The following PGAP1 variants were observed in gnomAD, a reference collection of about 807,000 sequenced individuals.
PGAP1 encodes GPI inositol-deacylase.
Under a neutral mutation model 127.0 loss-of-function variants are expected in PGAP1, and 76 were observed. The ratio of observed to expected loss-of-function variants is 0.60; its 90% CI spans 0.50 to 0.72. The LOEUF is 0.72. Ranked by LOEUF, PGAP1 falls within the 30% of genes least tolerant of loss-of-function variation. PGAP1 has a pLI of 0.00. For missense variants in PGAP1, 982 were observed against 1,071.3 expected, an observed-to-expected ratio of 0.92 and a Z score of 1.16; for synonymous variants, 362 against 366.5, an observed-to-expected ratio of 0.99 and a Z score of 0.14.
chr2:196,843,661 G>A (rs1041527490), intron 25 of PGAP1, among the ~76,000 whole-genome samples: 3 of 151,962 alleles, frequency 2.0e-5, no homozygotes, highest in African/African-American at 2.4e-5. Context: ...CCCAGAAGGC[G>A]GAAGTTGCAG....
At chr2:196,873,190 G>A (rs1701460587) in intron 16 of PGAP1, among the ~76,000 whole-genome samples, 164 bp from the exon 17 acceptor site, 1 of 151,610 alleles carries the variant, frequency 6.6e-6, no homozygotes, top group African/African-American at 2.4e-5. Flanking sequence ...AAATAATAAT[G>A]CTTTAATTAG....
chr2:196,923,201 G>A (rs145452017), intron 1 of PGAP1, among the ~76,000 whole-genome samples: 3 of 151,956 alleles, frequency 2.0e-5, no homozygotes, highest in Admixed American at 1.3e-4. Context: ...TATGTTTATC[G>A]ATTATTTTTT....
intron 10 of PGAP1, among the ~76,000 whole-genome samples, chr2:196,888,265 G>GT (rs149251799): frequency 0.017 from 2,522 of 152,238 alleles, 78 homozygotes; most frequent in African/African-American, 0.057. Context: ...TCTGTCTACT[G>GT]TATTTAATGG....
At chr2:196,899,144 T>A (rs16859307) in intron 5 of PGAP1, among the ~76,000 whole-genome samples, 3,019 of 152,300 alleles carry the variant, frequency 0.02, 101 homozygotes, top group African/African-American at 0.068. Context: ...TGATTTTATT[T>A]TTCATAGCAT....
rs1700349125 is a variant in PGAP1 at position 196,839,617 on chromosome 2, C to T, written c.*1617G>A. 1 of 152,114 alleles carries T rather than the reference C, an allele frequency of 6.6e-6. No homozygotes were observed. Among genetic ancestry groups the T allele is most frequent in the Non-Finnish European group, 1.5e-5 (1 of 68,012 alleles). 9.4% of individuals were successfully genotyped at this position (152,114 alleles called of 1,614,324 possible). A position where few individuals can be genotyped will look rare whatever the true frequency, so the allele number is the denominator to read the frequency against. ...TAGAAAAGACAACAATGGGATCAAACAAACTTAAAACCCTCAGAGATGAGA... is the reference window on the plus strand; with the variant it reads ...TAGAAAAGACAACAATGGGATCAAATAAACTTAAAACCCTCAGAGATGAGA... On this transcript the variant is annotated 3_prime_UTR_variant, in exon 27 of 27. Transcript: ENST00000354764.
intron 13 of PGAP1, among the ~76,000 whole-genome samples, chr2:196,879,406 T>C (rs371074562): frequency 3.9e-5 from 6 of 152,164 alleles, no homozygotes; most frequent in South Asian, 2.1e-4. Flanking sequence ...AAGAACAGGG[T>C]CTTGTCAGCC....
At chr2:196,911,922 A>T (rs1161188178) in intron 4 of PGAP1, among the ~76,000 whole-genome samples, 1 of 152,196 alleles carries the variant, frequency 6.6e-6, no homozygotes, top group Non-Finnish European at 1.5e-5. Flanking sequence ...AATGTACTTC[A>T]ATTAAGAGGC....
At chr2:196,915,661 T>C (rs547989296) in intron 3 of PGAP1, among the ~76,000 whole-genome samples, 2 of 152,166 alleles carry the variant, frequency 1.3e-5, no homozygotes, top group African/African-American at 2.4e-5. Context: ...GATCTGACAA[T>C]TTCTCATCAC....
At chr2:196,913,716 TGAATCTTGTGCAGAA>T (rs1302473993) in intron 3 of PGAP1, among the ~76,000 whole-genome samples, 1 of 152,204 alleles carries the variant, frequency 6.6e-6, no homozygotes, top group Non-Finnish European at 1.5e-5. Context: ...ATGAATAGAC[TGAATCTTGTGCAGAA>T]GAGTTAACAT....
Position 196,834,368 on chromosome 2 carries a change from G to A in PGAP1, c.*6866C>T, listed in dbSNP as rs1420910017. 6 of 152,366 alleles carry A rather than the reference G, an allele frequency of 3.9e-5. No individual in the cohort carries two copies. Among genetic ancestry groups the A allele is most frequent in the Non-Finnish European group, 5.9e-5 (4 of 67,870 alleles). 9.4% of individuals were successfully genotyped at this position (152,366 alleles called of 1,614,324 possible). A position where few individuals can be genotyped will look rare whatever the true frequency, so the allele number is the denominator to read the frequency against. Reference sequence around the variant, plus strand: ...TTTAAACTTTTATTTCACCAACCTCGAAGACAAGGATTTGGGGCCAATTTG... The same window carrying A: ...TTTAAACTTTTATTTCACCAACCTCAAAGACAAGGATTTGGGGCCAATTTG... On this transcript the variant is annotated 3_prime_UTR_variant, in exon 27 of 27. Transcript: ENST00000354764.
chr2:196,923,780 C>A (rs1445605342), intron 1 of PGAP1, among the ~76,000 whole-genome samples: 1 of 152,090 alleles, frequency 6.6e-6, no homozygotes, highest in East Asian at 1.9e-4. Context: ...CCAGCCTCAG[C>A]CTCCTGAGTA....
chr2:196,847,459 T>A (rs1218725260), intron 21 of PGAP1: 4 of 112,890 alleles, frequency 3.5e-5, no homozygotes, highest in East Asian at 2.1e-4. Context: ...TAATATGTTC[T>A]TTTTTTTTTT....
Position 196,835,641 on chromosome 2 carries a change from A to AT in PGAP1, c.*5592dup, listed in dbSNP as rs1280617590. 6.6e-6 allele frequency: 1 copy of AT among 152,434 alleles called. No individual in the cohort carries two copies. Among genetic ancestry groups the AT allele is most frequent in the Non-Finnish European group, 1.5e-5 (1 of 67,874 alleles). The allele number at this position is 152,434 out of a possible 1,614,324, so 9.4% of individuals were successfully genotyped here. ...CTAGATGAAACATACTGAAAAGATT[A>AT]TTTTTGCTTTAATCCTAATATGCTA... On this transcript the variant is annotated 3_prime_UTR_variant, in exon 27 of 27. Transcript: ENST00000354764.
chr2:196,911,606 T>TAAAAAAAAAAA (rs56107551), intron 4 of PGAP1, among the ~76,000 whole-genome samples: 3 of 77,286 alleles, frequency 3.9e-5, no homozygotes, highest in African/African-American at 5.0e-5. Context: ...TAGAGTATAA[T>TAAAAAAAAAAA]AAAAAAAAAA....
chr2:196,875,962 C>T, intron 13 of PGAP1, 141 bp from the exon 14 acceptor site: 1 of 524,366 alleles, frequency 1.9e-6, no homozygotes, highest in Non-Finnish European at 3.5e-6. Flanking sequence ...ATAATTCTGC[C>T]TATACTTAAG....
rs546632315 is a variant in PGAP1 at position 196,874,951 on chromosome 2, G to A, written c.1426+795C>T. On this transcript the variant is annotated intron_variant, in intron 14 of 26. Coordinates refer to ENST00000354764, the MANE Select transcript of PGAP1 (RefSeq NM_024989.4). ...GGATCGCTTAAGCCCAGGAGGCAGA[G>A]GTTGCAGTGAGCTGGGATCATGCCA... 8.5e-5 allele frequency among the ~76,000 whole-genome samples: 13 copies of A among 152,288 alleles called. No individual in the cohort carries two copies. The East Asian group carries it at 2.1e-3, about 25-fold the overall frequency.
At chr2:196,847,873 T>C in intron 21 of PGAP1, 74 bp downstream of exon 21, 1 of 1,117,446 alleles carries the variant, frequency 8.9e-7, no homozygotes, top group Non-Finnish European at 1.2e-6. Flanking sequence ...AAAATTTATA[T>C]TGCATTATGG....
intron 19 of PGAP1, among the ~76,000 whole-genome samples, chr2:196,869,073 A>G (rs1333043739): frequency 6.6e-6 from 1 of 152,182 alleles, no homozygotes; most frequent in African/African-American, 2.4e-5. Flanking sequence ...TGATACTGTA[A>G]CACCTGTACA....
At chr2:196,852,842 T>C (rs73064908) in intron 20 of PGAP1, among the ~76,000 whole-genome samples, 15,523 of 152,126 alleles carry the variant, frequency 0.1, 956 homozygotes, top group African/African-American at 0.17. Flanking sequence ...TAGGAAATAC[T>C]TGGACAAGAC....
Sources: gnomAD v4.1 joint callset for allele counts (sites outside exome capture counted in the v4.1 genomes callset) on GRCh38, gnomAD v4.1.1 for gene constraint, MANE v1.5 for transcripts, NCBI Gene and HGNC (gene_info 2026-07-23, HGNC 2026-07-21) for gene names.